PPEF2: variants seen among roughly 807,000 people sequenced by gnomAD.
PPEF2 encodes the protein serine/threonine-protein phosphatase with EF-hands 2.
Under a neutral mutation model 84.7 loss-of-function variants are expected in PPEF2, and 84 were observed. The ratio of observed to expected loss-of-function variants is 0.99; its 90% CI spans 0.83 to 1.19. The LOEUF (loss-of-function observed/expected upper bound fraction) is 1.19. Among genes scored for constraint, PPEF2 ranks in the 50% most tolerant of loss-of-function variants. PPEF2 has a pLI of 0.00. For missense variants in PPEF2, 924 were observed against 937.5 expected, an observed-to-expected ratio of 0.99 and a Z score of 0.19; for synonymous variants, 346 against 345.2, an observed-to-expected ratio of 1.00 and a Z score of -0.03.
At chr4:75,866,919 C>G (rs1724145291) in intron 14 of PPEF2, among the ~76,000 whole-genome samples, 1 of 152,148 alleles carries the variant, frequency 6.6e-6, no homozygotes, top group Admixed American at 6.6e-5. Flanking sequence ...ATTAGTTGAG[C>G]AGACAACATT....
chr4:75,876,330 T>G lies in PPEF2; in HGVS notation c.1277A>C (p.Glu426Ala), dbSNP rs1230724726. The G allele has an allele frequency of 2.5e-6, 4 of 1,613,368 alleles. No individual in the cohort carries two copies. Among genetic ancestry groups the G allele is most frequent in the Non-Finnish European group, 2.5e-6 (3 of 1,179,802 alleles). Residue 426 changes from glutamate (E) to alanine (A), a missense_variant, in exon 11 of 17, where the codon GAA becomes GCA. Transcript: ENST00000286719. The stretch of plus-strand genomic sequence containing the variant: ...AGTGGGCTTCCGCAGCTCTCCGGCT[T>G]CAGAGTCTGCTTCTGAGGCTGAGCG... ...PSRSASEADS[E>A]AGELRKPTQE...
At chr4:75,868,011 A>G (rs1203374306) in intron 13 of PPEF2, among the ~76,000 whole-genome samples, 1 of 152,106 alleles carries the variant, frequency 6.6e-6, no homozygotes, top group African/African-American at 2.4e-5. Flanking sequence ...AGTTGAATGA[A>G]CAAGAATATA....
At chr4:75,901,580 T>C (rs1433040775) in intron 1 of PPEF2, among the ~76,000 whole-genome samples, 1 of 150,256 alleles carries the variant, frequency 6.7e-6, no homozygotes, top group Admixed American at 6.6e-5. Flanking sequence ...AGGGAAAAAC[T>C]AAAAATGTGA....
At chr4:75,863,672 C>T (rs1299998480) in intron 16 of PPEF2, among the ~76,000 whole-genome samples, 7 of 151,632 alleles carry the variant, frequency 4.6e-5, no homozygotes, top group African/African-American at 1.7e-4. Flanking sequence ...TGGACCATTG[C>T]GGGAACAGGA....
intron 1 of PPEF2, among the ~76,000 whole-genome samples, chr4:75,897,870 T>C (rs1725043138): frequency 6.6e-6 from 1 of 152,054 alleles, no homozygotes; most frequent in South Asian, 2.1e-4. Flanking sequence ...GCTAGAGGAA[T>C]TAAAGACACA....
At position 75,884,726 on chromosome 4, in the gene PPEF2, A is replaced by G; in HGVS notation, c.614T>C (p.Phe205Ser). 6.2e-7 allele frequency: 1 copy of G among 1,610,000 alleles called. No individual in the cohort carries two copies. The highest frequency in any genetic ancestry group is 8.5e-7 in the Non-Finnish European group (1 of 1,179,100). Residue 205 changes from phenylalanine to serine, a missense_variant, in exon 8 of 17, where the codon TTC becomes TCC. By Grantham distance (155) the Phe-to-Ser change is radical (BLOSUM62 -2). Transcript: ENST00000286719. ...GLPSPERSYV[F>S]NGDFVDRGKD... ...GCCTCGATCCACAAAGTCACCGTTGAACACATATGACCGTTCTGGCGACGG... is the reference window on the plus strand; with the variant it reads ...GCCTCGATCCACAAAGTCACCGTTGGACACATATGACCGTTCTGGCGACGG...
Position 75,890,100 on chromosome 4 carries a change from T to A in PPEF2, c.274A>T (p.Arg92Ter), listed in dbSNP as rs778370814. The change falls in exon 5 of 17, where the codon AGA (arginine) becomes TGA (stop). Residue 92 changes from arginine to a stop codon, truncating the protein, a stop_gained. Coordinates refer to ENST00000286719, the MANE Select transcript of PPEF2 (RefSeq NM_006239.3). LOFTEE classifies it high-confidence loss of function. Reference protein sequence around the residue: ...DFLTRIFTEDRFAQDSEMKKC... With the variant: ...DFLTRIFTED ...TTCATCTCGGAGTCCTGGGCGAATC[T>A]GTCCTCAGTGAATATGCGGGTCAGG... is the stretch of plus-strand genomic sequence containing the variant. 3 of 1,614,100 alleles carry A rather than the reference T, an allele frequency of 1.9e-6. No individual in the cohort carries two copies. The Admixed American group carries it at 5.0e-5, about 27-fold the overall frequency.
At chr4:75,891,225 A>G (rs925014620) in intron 4 of PPEF2, among the ~76,000 whole-genome samples, 2 of 151,738 alleles carry the variant, frequency 1.3e-5, no homozygotes, top group African/African-American at 4.8e-5. Flanking sequence ...CCTCCTTCCT[A>G]TACTTCTCTC....
chr4:75,901,414 G>C (rs1409330832), intron 1 of PPEF2, among the ~76,000 whole-genome samples: 1 of 152,020 alleles, frequency 6.6e-6, no homozygotes, highest in African/African-American at 2.4e-5. Flanking sequence ...TACACTATTT[G>C]GGAGGCTGAG....
At position 75,880,777 on chromosome 4, in the gene PPEF2, C is replaced by T. The variant is rs1481178201; in HGVS notation, c.933+2149G>A. On this transcript the variant is annotated intron_variant, in intron 10 of 16. Coordinates refer to ENST00000286719, the MANE Select transcript of PPEF2 (RefSeq NM_006239.3). ...AGGAATTCAAGACCAGCCTGGGCAA[C>T]ATAGTGAGACCCCATCCCTATAAAT... Among the ~76,000 whole-genome samples the T allele has an allele frequency of 3.3e-5, 5 of 150,602 alleles. No individual in the cohort carries two copies. The Middle Eastern group carries it at 0.01, about 312-fold the overall frequency.
chr4:75,884,483 A>T, intron 8 of PPEF2, 111 bp downstream of exon 8: 1 of 1,318,436 alleles, frequency 7.6e-7, no homozygotes, highest in Non-Finnish European at 1.0e-6. Flanking sequence ...TTTTTAAAAA[A>T]ATTGGAAAAC....
At chr4:75,861,710 C>T (rs1410398280) in intron 16 of PPEF2, among the ~76,000 whole-genome samples, 10 of 139,930 alleles carry the variant, frequency 7.1e-5, no homozygotes, top group Non-Finnish European at 1.2e-4. Context: ...CCTGGGTTCA[C>T]GCCATTCTCC....
At chr4:75,872,306 CTTTCTTTT>C in intron 12 of PPEF2, 139 bp from the exon 13 acceptor site, 3 of 885,360 alleles carry the variant, frequency 3.4e-6, no homozygotes, top group Non-Finnish European at 3.2e-6. Context: ...TTCTTTCTTT[CTTTCTTTT>C]TTTCTAAAGG....
rs755980451 is a variant in PPEF2, at chr4:75,884,679, T to C, written c.661A>G (p.Met221Val). The change falls in exon 8 of 17, where the codon ATG (methionine) becomes GTG (valine). Residue 221 changes from methionine to valine, a missense_variant. By Grantham distance (21) the Met-to-Val change is conservative. Coordinates refer to ENST00000286719, the MANE Select transcript of PPEF2 (RefSeq NM_006239.3). ...ACCAGCATGAAGGCAAAAAGAATCA[T>C]CAGGATCTCTACTGAATCCTTGCCT... ...DRGKDSVEIL[M>V]ILFAFMLVYP... 6.2e-7 allele frequency: 1 copy of C among 1,613,658 alleles called. No homozygotes were observed. Among genetic ancestry groups the C allele is most frequent in the African/African-American group, 1.3e-5 (1 of 74,904 alleles).
chr4:75,869,989 T>C (rs1481973584), intron 13 of PPEF2, among the ~76,000 whole-genome samples: 1 of 152,220 alleles, frequency 6.6e-6, no homozygotes, highest in African/African-American at 2.4e-5. Context: ...ACAGTTGAAG[T>C]CACTGGATAA....
intron 1 of PPEF2, among the ~76,000 whole-genome samples, chr4:75,899,783 C>CT (rs56867894): frequency 0.52 from 79,216 of 151,866 alleles, 22,427 homozygotes; most frequent in East Asian, 0.97. Context: ...TCCAAACCAA[C>CT]AAAACTGCTC....
In PPEF2 at chr4:75,876,472, C is replaced by T. The variant is rs748640426; in HGVS notation, c.1135G>A (p.Gly379Ser). The T allele has an allele frequency of 1.9e-6, 3 of 1,613,852 alleles. No homozygotes were observed. The highest frequency in any genetic ancestry group is 1.3e-5 in the African/African-American group (1 of 74,928). ...TSRSSSIPCS[G>S]SLDGRELSRQ... ...GAGAGCTCCCGCCCGTCCAGGGAAC[C>T]GCTGCAGGGGATGCTGGAGGACCTG... The change falls in exon 11 of 17, where the codon GGT (glycine) becomes AGT (serine). Residue 379 changes from glycine (G) to serine (S), a missense_variant. Gly to Ser is a moderately conservative substitution (Grantham distance 56). Coordinates refer to ENST00000286719, the MANE Select transcript of PPEF2 (RefSeq NM_006239.3).
intron 8 of PPEF2, 177 bp from the exon 9 acceptor site, chr4:75,883,379 TA>T: frequency 1.7e-6 from 1 of 603,658 alleles, no homozygotes; most frequent in South Asian, 2.2e-5. Flanking sequence ...GTAGAGAAAT[TA>T]TGGGATATTT....
chr4:75,890,643 A>G (rs1419720002), intron 4 of PPEF2, among the ~76,000 whole-genome samples: 1 of 152,136 alleles, frequency 6.6e-6, no homozygotes, highest in Non-Finnish European at 1.5e-5. Context: ...TTCTACTTTT[A>G]TTCTAAAAGA....
Sources: gnomAD v4.1 joint callset for allele counts (sites outside exome capture counted in the v4.1 genomes callset) on GRCh38, gnomAD v4.1.1 for gene constraint, MANE v1.5 for transcripts, NCBI Gene and HGNC (gene_info 2026-07-23, HGNC 2026-07-21) for gene names.